The following KIF16B variants were observed in gnomAD, a reference collection of about 807,000 sequenced individuals.
KIF16B encodes kinesin-like protein KIF16B.
In KIF16B, 98 loss-of-function variants were observed where a neutral mutation model predicts 156.3. The ratio of observed to expected loss-of-function variants is 0.63; its 90% CI spans 0.53 to 0.74. The LOEUF (loss-of-function observed/expected upper bound fraction) is 0.74. Among genes scored for constraint, KIF16B ranks in the 30% least tolerant of loss-of-function variants. KIF16B has a pLI of 0.00. For missense variants in KIF16B, 1,421 were observed against 1,606.5 expected, an observed-to-expected ratio of 0.88 and a Z score of 1.97; for synonymous variants, 564 against 583.7, an observed-to-expected ratio of 0.97 and a Z score of 0.49.
rs2064443857 is a variant in KIF16B, at chr20:16,356,419, C to T, written c.3532G>A (p.Asp1178Asn). Residue 1178 changes from aspartate (D) to asparagine (N), a missense_variant, in exon 23 of 26, where the codon GAT becomes AAT. By Grantham distance (23) the Asp-to-Asn change is conservative. Coordinates refer to ENST00000354981, the MANE Select transcript of KIF16B (RefSeq NM_024704.5). ...ATTTTAATTGGGTCCTTCAGGTCAT[C>T]TGGATTTGCGCCCAAAGAGCGAGAA... ...MVSRSLGANP[D>N]DLKDPIKISI... The T allele has an allele frequency of 1.2e-6, 2 of 1,614,174 alleles. No individual in the cohort carries two copies. The highest frequency in any genetic ancestry group is 2.7e-5 in the African/African-American group (2 of 75,052).
chr20:16,520,000 G>A (rs1371076890), intron 3 of KIF16B, among the ~76,000 whole-genome samples: 1 of 152,122 alleles, frequency 6.6e-6, no homozygotes, highest in Non-Finnish European at 1.5e-5. Context: ...CAAATATTAC[G>A]CTTTTCCCAC....
intron 19 of KIF16B, among the ~76,000 whole-genome samples, chr20:16,376,165 T>G (rs1405451342): frequency 6.6e-6 from 1 of 152,194 alleles, no homozygotes; most frequent in Non-Finnish European, 1.5e-5. Context: ...ATGACTATTA[T>G]CATCGTCATT....
chr20:16,277,044 C>A (rs2063072503), intron 25 of KIF16B, among the ~76,000 whole-genome samples: 1 of 152,192 alleles, frequency 6.6e-6, no homozygotes, highest in Non-Finnish European at 1.5e-5. Flanking sequence ...CCCTCAAGGG[C>A]AATCGCTATT....
At chr20:16,465,857 A>G (rs2067476382) in intron 12 of KIF16B, among the ~76,000 whole-genome samples, 1 of 152,166 alleles carries the variant, frequency 6.6e-6, no homozygotes, top group South Asian at 2.1e-4. Flanking sequence ...TCCTGAACAC[A>G]AGAAATTTCT....
chr20:16,529,689 C>G (rs1180253452), intron 1 of KIF16B, among the ~76,000 whole-genome samples: 1 of 152,164 alleles, frequency 6.6e-6, no homozygotes, highest in African/African-American at 2.4e-5. Context: ...CGGTGGCTCA[C>G]GCCTGTAATC....
chr20:16,302,252 T>C (rs2063482408), intron 25 of KIF16B, among the ~76,000 whole-genome samples: 1 of 152,222 alleles, frequency 6.6e-6, no homozygotes, highest in African/African-American at 2.4e-5. Context: ...TTTATAGCTT[T>C]GTGTTTTACT....
chr20:16,447,278 TA>T (rs1370914319), intron 12 of KIF16B, among the ~76,000 whole-genome samples: 1 of 151,904 alleles, frequency 6.6e-6, no homozygotes, highest in East Asian at 1.9e-4. Flanking sequence ...AGCTAAGTAA[TA>T]AATCAGACTC....
intron 1 of KIF16B, among the ~76,000 whole-genome samples, chr20:16,564,401 G>A (rs541161057): frequency 3.6e-4 from 54 of 152,064 alleles, no homozygotes; most frequent in Non-Finnish European, 1.6e-4. Flanking sequence ...ACATACGTGT[G>A]CATCGCAAGG....
At chr20:16,339,761 G>T (rs1402949497) in intron 23 of KIF16B, among the ~76,000 whole-genome samples, 1 of 152,120 alleles carries the variant, frequency 6.6e-6, no homozygotes, top group Non-Finnish European at 1.5e-5. Context: ...CAGTCAGTCG[G>T]TGAATCCCTT....
At position 16,350,762 on chromosome 20, in the gene KIF16B, G is replaced by A. The variant is rs903511617; in HGVS notation, c.3621+5568C>T. Among the ~76,000 whole-genome samples the A allele has an allele frequency of 8.6e-5, 13 of 152,044 alleles. No homozygotes were observed. In the East Asian group the frequency reaches 9.7e-4, roughly 11 times the overall value. On this transcript the variant is annotated intron_variant, in intron 23 of 25. Coordinates refer to ENST00000354981, the MANE Select transcript of KIF16B (RefSeq NM_024704.5). ...GGGGGGAAGTTTACAAAGGGCACAC[G>A]GTCACTCAGTCATCACCGAAGCGCC...
intron 12 of KIF16B, among the ~76,000 whole-genome samples, chr20:16,435,488 G>T (rs1253338985): frequency 6.6e-6 from 1 of 152,188 alleles, no homozygotes; most frequent in Non-Finnish European, 1.5e-5. Context: ...AATTAGGATA[G>T]ATCTCAGTGT....
chr20:16,389,898 A>C (rs901028534), intron 17 of KIF16B, among the ~76,000 whole-genome samples: 1 of 152,186 alleles, frequency 6.6e-6, no homozygotes, highest in Non-Finnish European at 1.5e-5. Flanking sequence ...TTCATTAGAA[A>C]GGTAGGAATA....
intron 12 of KIF16B, among the ~76,000 whole-genome samples, chr20:16,486,331 T>G (rs182372108): frequency 8.5e-5 from 13 of 152,118 alleles, no homozygotes; most frequent in African/African-American, 3.1e-4. Context: ...GGAAAGAAAT[T>G]CTATTATGGG....
chr20:16,484,500 A>G (rs1217041356), intron 12 of KIF16B, among the ~76,000 whole-genome samples: 1 of 152,262 alleles, frequency 6.6e-6, no homozygotes, highest in Non-Finnish European at 1.5e-5. Context: ...AGTTTGACAG[A>G]AATTAGCAGC....
At chr20:16,529,248 G>C (rs559069409) in intron 1 of KIF16B, among the ~76,000 whole-genome samples, 2 of 152,320 alleles carry the variant, frequency 1.3e-5, no homozygotes, top group South Asian at 4.1e-4. Flanking sequence ...ATAGAAGCTA[G>C]ATTTCTGCAA....
At chr20:16,479,576 A>G (rs1490905249) in intron 12 of KIF16B, among the ~76,000 whole-genome samples, 1 of 152,208 alleles carries the variant, frequency 6.6e-6, no homozygotes, top group Non-Finnish European at 1.5e-5. Context: ...GTTGTGCACT[A>G]CATAACGTTT....
At chr20:16,335,059 T>C (rs982674898) in intron 24 of KIF16B, among the ~76,000 whole-genome samples, 18 of 152,346 alleles carry the variant, frequency 1.2e-4, no homozygotes, top group African/African-American at 3.8e-4. Context: ...AAGGAAACAT[T>C]ATTTAATGTG....
At chr20:16,291,668 G>A (rs1163446018) in intron 25 of KIF16B, among the ~76,000 whole-genome samples, 2 of 152,170 alleles carry the variant, frequency 1.3e-5, no homozygotes, top group African/African-American at 4.8e-5. Flanking sequence ...TTGAGAATAA[G>A]TTGACACCCA....
intron 25 of KIF16B, among the ~76,000 whole-genome samples, chr20:16,293,921 T>TG (rs1458386928): frequency 3.9e-4 from 58 of 150,604 alleles, no homozygotes; most frequent in Middle Eastern, 6.8e-3. Flanking sequence ...GGAGAGGGGC[T>TG]GCGGGGGGTG....
Sources: gnomAD v4.1 joint callset for allele counts (sites outside exome capture counted in the v4.1 genomes callset) on GRCh38, gnomAD v4.1.1 for gene constraint, MANE v1.5 for transcripts, NCBI Gene and HGNC (gene_info 2026-07-23, HGNC 2026-07-21) for gene names.